NIPA1: variants seen among roughly 807,000 people sequenced by gnomAD.
NIPA1 encodes NIPA magnesium transporter 1, also known as magnesium transporter NIPA1.
Under a neutral mutation model 23.9 loss-of-function variants are expected in NIPA1, and 13 were observed. The ratio of observed to expected loss-of-function variants is 0.54; its 90% CI spans 0.35 to 0.87. The LOEUF (loss-of-function observed/expected upper bound fraction) is 0.87. Ranked by LOEUF, NIPA1 falls within the 40% of genes least tolerant of loss-of-function variation. The pLI is 0.01. For missense variants in NIPA1, 362 were observed against 429.7 expected (o/e 0.84, Z 1.39); for synonymous variants, 234 against 202.9 (o/e 1.15, Z -1.30).
chr15:22,786,382 T>G (rs1161417092), upstream of NIPA1: 1 of 154,594 alleles, frequency 6.5e-6, no homozygotes, highest in Admixed American at 6.5e-5. Context: ...GCTGGAAACT[T>G]AACCAGGAGT....
intron 1 of NIPA1, among the ~76,000 whole-genome samples, chr15:22,806,448 A>G (rs1228801781): frequency 6.6e-6 from 1 of 152,196 alleles, no homozygotes; most frequent in Admixed American, 6.5e-5. Flanking sequence ...AATGGAACTT[A>G]GCGATCATAT....
intron 1 of NIPA1, among the ~76,000 whole-genome samples, chr15:22,797,821 C>A (rs943535750): frequency 7.7e-6 from 1 of 129,196 alleles, no homozygotes; most frequent in African/African-American, 3.1e-5. Context: ...TTTCTAGTCA[C>A]ATTCAGTAAT....
rs561809521 is a variant in NIPA1, at chr15:22,808,477, G to A, written c.179-2272G>A. 3.3e-3 allele frequency among the ~76,000 whole-genome samples: 505 copies of A among 152,278 alleles called. 3 individuals are homozygous for A. Among genetic ancestry groups the A allele is most frequent in the Non-Finnish European group, 4.2e-3 (286 of 68,024 alleles). On this transcript the variant is annotated intron_variant, in intron 1 of 4. Transcript: ENST00000337435. Reference sequence around the variant, plus strand: ...GGGAGACAGCCACAGCAGGCAGGTGGCACAACTGATGCTGGGGACTTTGAC... The same window carrying A: ...GGGAGACAGCCACAGCAGGCAGGTGACACAACTGATGCTGGGGACTTTGAC...
In NIPA1 at chr15:22,817,186, C is replaced by CAAAAA. The variant is rs894814701; in HGVS notation, c.318-3107_318-3103dup. Among the ~76,000 whole-genome samples, 49 of 61,038 alleles carry CAAAAA rather than the reference C, an allele frequency of 8.0e-4. 1 individual carries two copies. Among genetic ancestry groups the CAAAAA allele is most frequent in the African/African-American group, 3.1e-3 (40 of 13,106 alleles). 40.0% of individuals were successfully genotyped at this position (61,038 alleles called of 152,430 possible). A position where few individuals can be genotyped will look rare whatever the true frequency, so the allele number is the denominator to read the frequency against. ...CAGGCAACAGAGTGAGACTCTGTCTCAAAAAAAAAAAAAAAAAAAAAAAAT... is the reference window on the plus strand; with the variant it reads ...CAGGCAACAGAGTGAGACTCTGTCTCAAAAAAAAAAAAAAAAAAAAAAAAAAAAAT... On this transcript the variant is annotated intron_variant, in intron 3 of 4. Coordinates refer to ENST00000337435, the MANE Select transcript of NIPA1 (RefSeq NM_144599.5).
Position 22,828,667 on chromosome 15 carries a change from A to G in NIPA1, c.*4428A>G, listed in dbSNP as rs1482866905. ...ATTCAGTAGAACAAGGATCATGTAAATAAACATCTATTTCACATGTACCCA... is the reference window on the plus strand; with the variant it reads ...ATTCAGTAGAACAAGGATCATGTAAGTAAACATCTATTTCACATGTACCCA... On this transcript the variant is annotated 3_prime_UTR_variant, in exon 5 of 5. Coordinates refer to ENST00000337435, the MANE Select transcript of NIPA1 (RefSeq NM_144599.5). 2.0e-5 allele frequency: 3 copies of G among 152,652 alleles called. No homozygotes were observed. The East Asian group carries it at 5.8e-4, about 29-fold the overall frequency. The allele number at this position is 152,652 out of a possible 1,614,324, so 9.5% of individuals were successfully genotyped here. A position where few individuals can be genotyped will look rare whatever the true frequency, so the allele number is the denominator to read the frequency against.
At chr15:22,819,913 G>C (rs1895502536) in intron 3 of NIPA1, among the ~76,000 whole-genome samples, 1 of 152,144 alleles carries the variant, frequency 6.6e-6, no homozygotes, top group Non-Finnish European at 1.5e-5. Flanking sequence ...GAAAATCCTG[G>C]CCAGGCATGG....
At chr15:22,799,964 AAAAAAAAG>A (rs1474656113) in intron 1 of NIPA1, among the ~76,000 whole-genome samples, 9,789 of 144,548 alleles carry the variant, frequency 0.068, 432 homozygotes, top group South Asian at 0.13. Context: ...AAAAAAAAAA[AAAAAAAAG>A]GGAAAGAAAA....
At chr15:22,794,350 G>GC (rs1894898900) in intron 1 of NIPA1, among the ~76,000 whole-genome samples, 1 of 104,804 alleles carries the variant, frequency 9.5e-6, no homozygotes, top group South Asian at 3.8e-4. Flanking sequence ...GGGGTGGGGG[G>GC]AGGGGAAATA....
chr15:22,803,901 G>A (rs2082629), intron 1 of NIPA1, among the ~76,000 whole-genome samples: 30,811 of 151,130 alleles, frequency 0.2, 4,305 homozygotes, highest in East Asian at 0.44. Flanking sequence ...GAATGATCTC[G>A]AGCTCCTGAC....
intron 3 of NIPA1, among the ~76,000 whole-genome samples, chr15:22,817,698 G>A (rs1022880751): frequency 3.5e-4 from 53 of 151,872 alleles, no homozygotes; most frequent in African/African-American, 9.7e-4. Context: ...CCAGCTACTC[G>A]GGAGGCTGAG....
chr15:22,809,878 A>G (rs1000791577), intron 1 of NIPA1, among the ~76,000 whole-genome samples: 3 of 150,882 alleles, frequency 2.0e-5, no homozygotes, highest in African/African-American at 7.3e-5. Flanking sequence ...CGTCTCTACT[A>G]AAAAAAAATA....
At chr15:22,795,173 C>G (rs950451310) in intron 1 of NIPA1, among the ~76,000 whole-genome samples, 2 of 152,114 alleles carry the variant, frequency 1.3e-5, no homozygotes, top group Non-Finnish European at 2.9e-5. Flanking sequence ...TTATCTGACC[C>G]TGAGAGGAGA....
At chr15:22,798,761 G>A (rs1185066746) in intron 1 of NIPA1, among the ~76,000 whole-genome samples, 2 of 147,032 alleles carry the variant, frequency 1.4e-5, no homozygotes, top group African/African-American at 2.5e-5. Context: ...GCGTGAACCC[G>A]GGAGGCGGAA....
intron 1 of NIPA1, among the ~76,000 whole-genome samples, chr15:22,789,269 G>A (rs11632539): frequency 0.29 from 43,797 of 152,036 alleles, 6,882 homozygotes; most frequent in Non-Finnish European, 0.36. Context: ...GATTACAGGC[G>A]TGAGCCACCA....
chr15:22,791,633 G>A lies in NIPA1; in HGVS notation c.178+4799G>A, dbSNP rs186334459. On this transcript the variant is annotated intron_variant, in intron 1 of 4. Coordinates refer to ENST00000337435, the MANE Select transcript of NIPA1 (RefSeq NM_144599.5). Reference sequence around the variant, plus strand: ...CCAGTAGCTGGCATTACAGGCGTCCGCCACCACACCTGGCTAATTTTTGTA... The same window carrying A: ...CCAGTAGCTGGCATTACAGGCGTCCACCACCACACCTGGCTAATTTTTGTA... Among the ~76,000 whole-genome samples the A allele has an allele frequency of 1.8e-3, 278 of 151,870 alleles. 5 individuals are homozygous for A. The highest frequency in any genetic ancestry group is 3.7e-4 in the Non-Finnish European group (25 of 67,934).
Position 22,786,801 on chromosome 15 carries a change from C to A in NIPA1, c.145C>A (p.Gln49Lys). 1 of 1,297,500 alleles carries A rather than the reference C, an allele frequency of 7.7e-7. No individual in the cohort carries two copies. The allele number at this position is 1,297,500 out of a possible 1,614,324, so 80.4% of individuals were successfully genotyped here. A position where few individuals can be genotyped will look rare whatever the true frequency, so the allele number is the denominator to read the frequency against. ...GGTGAACGGGTCCACGTTCGTGCTA[C>A]AGAAGAAGGGCATCGTGCGTGCCAA... Reference protein sequence around the residue: ...SLVNGSTFVLQKKGIVRAKRR... With the variant: ...SLVNGSTFVLKKKGIVRAKRR... Residue 49 changes from glutamine to lysine, a missense_variant, in exon 1 of 5, where the codon CAG (glutamine) becomes AAG (lysine). This residue lies in a region of NIPA1 where 277 missense variants were observed against 372.0 expected (regional missense o/e 0.74). Coordinates refer to ENST00000337435, the MANE Select transcript of NIPA1 (RefSeq NM_144599.5).
intron 4 of NIPA1, among the ~76,000 whole-genome samples, chr15:22,822,403 A>G (rs938723564): frequency 6.6e-6 from 1 of 152,016 alleles, no homozygotes; most frequent in Non-Finnish European, 1.5e-5. Context: ...GCAGCCCCCA[A>G]TCATTGCAAA....
rs1012057455 is a variant in NIPA1 at position 22,786,859 on chromosome 15, CGGCGGGCGGGTGGGGGA to C, written c.178+35_178+51del. ...GGTAGGGCGGGCGGCAGGCGGCAGG[CGGCGGGCGGGTGGGGGA>C]GGCGGGCGGCGGAGAAGGCGGTCGC... On this transcript the variant is annotated intron_variant, in intron 1 of 4. Transcript: ENST00000337435. 3.0e-4 allele frequency: 59 copies of C among 195,940 alleles called. 7 individuals carry two copies. Among genetic ancestry groups the C allele is most frequent in the South Asian group, 4.7e-4 (8 of 16,954 alleles). The allele number at this position is 195,940 out of a possible 1,614,324, so 12.1% of individuals were successfully genotyped here.
chr15:22,807,476 T>C (rs754009338), intron 1 of NIPA1, among the ~76,000 whole-genome samples: 2 of 152,094 alleles, frequency 1.3e-5, no homozygotes, highest in Admixed American at 6.6e-5. Context: ...TCCCAGCTAC[T>C]TGGGAGGCTG....
Sources: allele counts gnomAD v4.1 joint callset (sites outside exome capture counted in the v4.1 genomes callset), GRCh38; gene constraint gnomAD v4.1.1; regional missense constraint gnomAD v4.1.1; transcripts MANE v1.5; gene names NCBI Gene and HGNC (gene_info 2026-07-23, HGNC 2026-07-21).